Variants in ZNF334 observed in about 807,000 individuals in gnomAD.
ZNF334 encodes the protein zinc finger protein 334.
ZNF334 carries 14 observed loss-of-function variants against 12.4 expected under a neutral mutation model. That is an observed-to-expected ratio of 1.13 (90% CI 0.74 to 1.76). The LOEUF (loss-of-function observed/expected upper bound fraction) is 1.76. Among genes scored for constraint, ZNF334 ranks in the 40% most tolerant of loss-of-function variants. The pLI, the probability that ZNF334 is intolerant of heterozygous loss-of-function variation, is 0.00. For missense variants in ZNF334, 797 were observed against 804.5 expected (o/e 0.99, Z 0.11); for synonymous variants, 273 against 269.6 (o/e 1.01, Z -0.12).
At position 46,499,695 on chromosome 20, in the gene ZNF334, A is replaced by G. The variant is rs1378796736; in HGVS notation, c.*1601T>C. 6.6e-6 allele frequency: 1 copy of G among 152,248 alleles called. No individual in the cohort carries two copies. The highest frequency in any genetic ancestry group is 1.5e-5 in the Non-Finnish European group (1 of 68,038). 9.4% of individuals were successfully genotyped at this position (152,248 alleles called of 1,614,324 possible). A position where few individuals can be genotyped will look rare whatever the true frequency, so the allele number is the denominator to read the frequency against. ...TGAAAGGTAACTTAATTTCTTTCAC[A>G]ATAGCAACCAAATCTTTGAAGTGAC... On this transcript the variant is annotated 3_prime_UTR_variant, in exon 5 of 5. Coordinates refer to ENST00000692313, the MANE Select transcript of ZNF334 (RefSeq NM_001353824.2).
the ZNF334 span, among the ~76,000 whole-genome samples, chr20:46,466,316 T>C: frequency 6.6e-6 from 1 of 152,186 alleles, no homozygotes; most frequent in Non-Finnish European, 1.5e-5. Flanking sequence ...AAACGGTTTG[T>C]TGACTTCATT....
the ZNF334 span, among the ~76,000 whole-genome samples, chr20:46,489,609 G>A: frequency 8.2e-6 from 1 of 121,994 alleles, no homozygotes; most frequent in African/African-American, 3.2e-5. Flanking sequence ...AATGAGCCAA[G>A]ATCATGCCAT....
At chr20:46,469,651 C>T in the ZNF334 span, among the ~76,000 whole-genome samples, 1 of 152,108 alleles carries the variant, frequency 6.6e-6, no homozygotes, top group Non-Finnish European at 1.5e-5. Context: ...GGATTACAGA[C>T]GTGTGCCACT....
At position 46,502,922 on chromosome 20, in the gene ZNF334, T is replaced by C; in HGVS notation, c.417A>G (p.Gly139=). 1.2e-6 allele frequency: 2 copies of C among 1,614,002 alleles called. No homozygotes were observed. ...CTGAATTAGTTTTCAAACTGTTTCC[T>C]CCTGGATTACATTTATAGGGCATTT... The part of the protein sequence containing the change: ...SRKMPYKCNP[G]GNSLKTNSEV... Residue 139 remains glycine, a synonymous_variant, in exon 5 of 5, where the codon GGA becomes GGG. Transcript: ENST00000692313.
the ZNF334 span, among the ~76,000 whole-genome samples, chr20:46,486,245 T>A: frequency 6.6e-6 from 1 of 152,178 alleles, no homozygotes; most frequent in South Asian, 2.1e-4. Flanking sequence ...GCTGGTCTAA[T>A]ATCTTTTCTA....
intron 2 of ZNF334, among the ~76,000 whole-genome samples, chr20:46,511,190 G>A (rs540945653): frequency 6.7e-6 from 1 of 150,160 alleles, no homozygotes; most frequent in Non-Finnish European, 1.5e-5. Flanking sequence ...CCAGGAGTTC[G>A]AGACCAGCCT....
the ZNF334 span, among the ~76,000 whole-genome samples, chr20:46,475,911 T>C: frequency 1.3e-5 from 2 of 152,168 alleles, no homozygotes; most frequent in Non-Finnish European, 2.9e-5. Context: ...ATTTTACTAA[T>C]GGGCATTTAT....
In ZNF334 at chr20:46,502,647, T is replaced by TCA; in HGVS notation, c.691_692insTG (p.Gln231LeufsTer47). 6.2e-7 allele frequency: 1 copy of TCA among 1,612,802 alleles called. No individual in the cohort carries two copies. The highest frequency in any genetic ancestry group is 8.5e-7 in the Non-Finnish European group (1 of 1,180,022). ...ACATTCATTTGGTTTCCTTTCAGTCTGTCTCCCCTTTTGTGTAATGAGAAT... is the reference window on the plus strand; with the variant it reads ...ACATTCATTTGGTTTCCTTTCAGTCTCAGTCTCCCCTTTTGTGTAATGAGAAT... On this transcript the variant is annotated frameshift_variant, in exon 5 of 5. Coordinates refer to ENST00000692313, the MANE Select transcript of ZNF334 (RefSeq NM_001353824.2). LOFTEE classifies it low-confidence loss of function (END_TRUNC).
chr20:46,473,869 G>A, the ZNF334 span, among the ~76,000 whole-genome samples: 3 of 152,202 alleles, frequency 2.0e-5, no homozygotes, highest in African/African-American at 7.2e-5. Flanking sequence ...CAGGGTAGGG[G>A]AAGGTCACCC....
At chr20:46,496,250 T>A (rs2061021814), downstream of ZNF334, among the ~76,000 whole-genome samples, 1 of 152,170 alleles carries the variant, frequency 6.6e-6, no homozygotes, top group Non-Finnish European at 1.5e-5. Context: ...CAGTCTTTCC[T>A]AAGGCATGCT....
the ZNF334 span, among the ~76,000 whole-genome samples, chr20:46,472,555 C>G: frequency 2.5e-4 from 38 of 152,236 alleles, no homozygotes; most frequent in South Asian, 8.3e-4. Flanking sequence ...GTCTCCCAGG[C>G]AGAGAAATCA....
At chr20:46,464,322 G>A in the ZNF334 span, 268 of 545,216 alleles carry the variant, frequency 4.9e-4, 2 homozygotes, top group East Asian at 0.011. Flanking sequence ...GATGTGATCC[G>A]GCATTCTGGG....
the ZNF334 span, among the ~76,000 whole-genome samples, chr20:46,489,740 T>C: frequency 2.6e-3 from 392 of 152,210 alleles, 2 homozygotes; most frequent in African/African-American, 8.8e-3. Context: ...TTCTGTCCCA[T>C]GTTGAAATAT....
At chr20:46,469,665 C>T in the ZNF334 span, among the ~76,000 whole-genome samples, 5 of 152,178 alleles carry the variant, frequency 3.3e-5, no homozygotes, top group African/African-American at 1.2e-4. Flanking sequence ...TGCCACTGCG[C>T]CTGGCCCCTA....
chr20:46,506,229 T>A (rs748627459), intron 2 of ZNF334: 7 of 455,194 alleles, frequency 1.5e-5, no homozygotes, highest in Non-Finnish European at 2.8e-5. Flanking sequence ...TTTGAAAGCA[T>A]AAATAATGAG....
the ZNF334 span, among the ~76,000 whole-genome samples, chr20:46,481,582 T>C: frequency 2.6e-5 from 4 of 152,170 alleles, no homozygotes; most frequent in African/African-American, 9.7e-5. Context: ...ACAGCTTGCA[T>C]GTGTTGGCAG....
chr20:46,463,116 G>T, the ZNF334 span, among the ~76,000 whole-genome samples: 19 of 152,154 alleles, frequency 1.2e-4, no homozygotes, highest in African/African-American at 4.6e-4. Context: ...GCATGGTGGT[G>T]CATGCCTGCA....
the ZNF334 span, chr20:46,485,155 C>A: frequency 6.0e-6 from 1 of 166,756 alleles, no homozygotes; most frequent in Admixed American, 6.5e-5. Flanking sequence ...CCTGGACACT[C>A]CCCCTCCAAC....
chr20:46,463,176 G>A, the ZNF334 span, among the ~76,000 whole-genome samples: 1 of 152,184 alleles, frequency 6.6e-6, no homozygotes, highest in South Asian at 2.1e-4. Flanking sequence ...GAACCTAGGA[G>A]GGGGAGGTTG....
Sources: gnomAD v4.1 joint callset for allele counts (sites outside exome capture counted in the v4.1 genomes callset) on GRCh38, gnomAD v4.1.1 for gene constraint, MANE v1.5 for transcripts, NCBI Gene and HGNC (gene_info 2026-07-23, HGNC 2026-07-21) for gene names.